DENND1A: variants seen among roughly 807,000 people sequenced by gnomAD.
DENND1A encodes DENN domain containing 1A.
Under a neutral mutation model 113.7 loss-of-function variants are expected in DENND1A, and 51 were observed. The observed-to-expected ratio is 0.45, with a 90% CI of 0.36 to 0.57. DENND1A has a LOEUF of 0.57. DENND1A is among the 20% of genes least tolerant of loss of function. DENND1A has a pLI of 0.00. For missense variants in DENND1A, 1,258 were observed against 1,395.9 expected, an observed-to-expected ratio of 0.90 and a Z score of 1.57; for synonymous variants, 565 against 570.8, an observed-to-expected ratio of 0.99 and a Z score of 0.14.
In DENND1A at chr9:123,780,309, T is replaced by A. The variant is rs528165635; in HGVS notation, c.133-10746A>T. 7.5e-3 allele frequency among the ~76,000 whole-genome samples: 1,143 copies of A among 152,256 alleles called. 9 individuals carry two copies. The highest frequency in any genetic ancestry group is 0.026 in the African/African-American group (1,080 of 41,538). On this transcript the variant is annotated intron_variant, in intron 3 of 23. Coordinates refer to ENST00000394215, the MANE Select transcript of DENND1A (RefSeq NM_001352964.2). Reference sequence around the variant, plus strand: ...TCCTATCATCAAATTGACCATTATCTCTAGAATGAGTTAAGAATGATGGGG... The same window carrying A: ...TCCTATCATCAAATTGACCATTATCACTAGAATGAGTTAAGAATGATGGGG...
Position 123,457,851 on chromosome 9 carries a change from C to G in DENND1A, c.1040G>C (p.Arg347Pro), listed in dbSNP as rs200424404. The G allele has an allele frequency of 5.0e-6, 8 of 1,612,690 alleles. No individual in the cohort carries two copies. The highest frequency in any genetic ancestry group is 6.8e-6 in the Non-Finnish European group (8 of 1,179,418). The change falls in exon 14 of 24, where the codon CGC becomes CCC. Residue 347 changes from arginine to proline, a missense_variant. Physicochemically the swap from Arg to Pro is moderately radical, Grantham distance 103 (BLOSUM62 -2). Coordinates refer to ENST00000394215, the MANE Select transcript of DENND1A (RefSeq NM_001352964.2). The part of the protein sequence containing the change: ...FCEEAFVSHY[R>P]SGAMRQFLQN... The stretch of plus-strand genomic sequence containing the variant: ...CAGGAACTGCCTCATGGCTCCGGAG[C>G]GGTAGTGGGACACGAAGGCTTCCTC...
intron 11 of DENND1A, among the ~76,000 whole-genome samples, chr9:123,599,131 C>T (rs1002296612): frequency 6.6e-6 from 1 of 152,208 alleles, no homozygotes; most frequent in African/African-American, 2.4e-5. Context: ...CAAGCTTTAC[C>T]TGCAAAGGCC....
At chr9:123,820,862 T>G (rs1228306323) in intron 2 of DENND1A, among the ~76,000 whole-genome samples, 4 of 152,240 alleles carry the variant, frequency 2.6e-5, no homozygotes, top group African/African-American at 9.6e-5. Context: ...GCGCAATCAC[T>G]GCTTATCCAT....
chr9:123,480,360 G>A (rs936506905), intron 13 of DENND1A, among the ~76,000 whole-genome samples: 1 of 152,136 alleles, frequency 6.6e-6, no homozygotes. Context: ...TTAGCTTAGC[G>A]TGCCAGCCCC....
chr9:123,706,279 T>C (rs958375382), intron 5 of DENND1A, among the ~76,000 whole-genome samples: 2 of 151,340 alleles, frequency 1.3e-5, no homozygotes, highest in African/African-American at 4.9e-5. Context: ...GCCTTCCAAA[T>C]AGCTGGGATT....
intron 13 of DENND1A, among the ~76,000 whole-genome samples, chr9:123,463,895 C>T (rs891155364): frequency 1.0e-4 from 12 of 118,230 alleles, no homozygotes; most frequent in African/African-American, 2.3e-4. Flanking sequence ...GGAGACAGAG[C>T]GAGACTCCAG....
Position 123,381,687 on chromosome 9 carries a change from G to A in DENND1A, c.2958C>T (p.Pro986=), listed in dbSNP as rs1421857749. 1.3e-6 allele frequency: 2 copies of A among 1,579,734 alleles called. No individual in the cohort carries two copies. Among genetic ancestry groups the A allele is most frequent in the East Asian group, 2.3e-5 (1 of 43,350 alleles). Residue 986 remains proline (P), a synonymous_variant, in exon 24 of 24, where the codon CCC becomes CCT. Coordinates refer to ENST00000394215, the MANE Select transcript of DENND1A (RefSeq NM_001352964.2). This position sits in a 1 kb window ranked among gnomAD's most constrained non-coding sequence, Gnocchi z 4.7. ...CAGCCCTGGCACTTGAGCGGGCCAGGGGCAACGTTCGGATCCTCGACGGGG... is the reference window on the plus strand; with the variant it reads ...CAGCCCTGGCACTTGAGCGGGCCAGAGGCAACGTTCGGATCCTCGACGGGG... The part of the protein sequence containing the change: ...AVAPSRIRTL[P]LARSSARAAE...
intron 3 of DENND1A, among the ~76,000 whole-genome samples, chr9:123,770,675 A>G (rs558596499): frequency 3.3e-5 from 5 of 152,302 alleles, no homozygotes; most frequent in South Asian, 4.1e-4. Flanking sequence ...TCCCAACTTC[A>G]AGACAAAATG....
At chr9:123,727,325 C>T (rs991432997) in intron 5 of DENND1A, among the ~76,000 whole-genome samples, 8 of 152,298 alleles carry the variant, frequency 5.3e-5, no homozygotes, top group Non-Finnish European at 1.0e-4. Flanking sequence ...AATATCCATA[C>T]TTCAAACTAG....
intron 1 of DENND1A, among the ~76,000 whole-genome samples, chr9:123,896,822 A>T (rs969532187): frequency 1.3e-5 from 2 of 152,168 alleles, no homozygotes; most frequent in Non-Finnish European, 2.9e-5. Context: ...TTCAAAAAGA[A>T]AAACAGAAAA....
chr9:123,512,539 C>A (rs73665308), intron 13 of DENND1A, among the ~76,000 whole-genome samples: 1 of 152,188 alleles, frequency 6.6e-6, no homozygotes, highest in African/African-American at 2.4e-5. Flanking sequence ...AGTTCCTTCG[C>A]GGCACTTTTC....
At chr9:123,613,411 C>T (rs1272167543) in intron 10 of DENND1A, among the ~76,000 whole-genome samples, 2 of 151,838 alleles carry the variant, frequency 1.3e-5, no homozygotes, top group Non-Finnish European at 2.9e-5. Flanking sequence ...GAGGCATAAA[C>T]GTCCATGTTT....
At chr9:123,893,966 C>A (rs1204496176) in intron 1 of DENND1A, among the ~76,000 whole-genome samples, 2 of 152,176 alleles carry the variant, frequency 1.3e-5, no homozygotes, top group Admixed American at 6.5e-5. Context: ...CTGGAGGCTT[C>A]TCTCACCCCC....
chr9:123,457,526 G>T lies in DENND1A; in HGVS notation c.1099-91C>A, dbSNP rs962743871. On this transcript the variant is annotated intron_variant, in intron 14 of 23. Coordinates refer to ENST00000394215, the MANE Select transcript of DENND1A (RefSeq NM_001352964.2). ...GGGCACCTTACTGTATCCAAGGTAG[G>T]AGTTTTCAAAAAGTAAGGTTCAACA... The T allele has an allele frequency of 4.6e-6, 5 of 1,095,098 alleles. No homozygotes were observed. The Admixed American group carries it at 6.2e-5, about 14-fold the overall frequency. The allele number at this position is 1,095,098 out of a possible 1,614,324, so 67.8% of individuals were successfully genotyped here. A position where few individuals can be genotyped will look rare whatever the true frequency, so the allele number is the denominator to read the frequency against.
intron 9 of DENND1A, among the ~76,000 whole-genome samples, chr9:123,643,772 G>C (rs548344952): frequency 6.6e-6 from 1 of 152,234 alleles, no homozygotes; most frequent in Non-Finnish European, 1.5e-5. Flanking sequence ...GTGGCTAACA[G>C]ACTGGGTGTG....
intron 18 of DENND1A, among the ~76,000 whole-genome samples, chr9:123,446,788 G>C (rs1259837331): frequency 6.6e-6 from 1 of 152,138 alleles, no homozygotes; most frequent in East Asian, 1.9e-4. Context: ...GGGAGACAGA[G>C]TGAGACCCTG....
intron 5 of DENND1A, among the ~76,000 whole-genome samples, chr9:123,729,256 G>A (rs751200743): frequency 3.9e-5 from 6 of 152,094 alleles, no homozygotes; most frequent in East Asian, 3.8e-4. Context: ...TGGAAGTTCC[G>A]GCCAGGGCAA....
chr9:123,615,728 T>A (rs767275067), intron 10 of DENND1A, among the ~76,000 whole-genome samples: 1 of 152,222 alleles, frequency 6.6e-6, no homozygotes, highest in Non-Finnish European at 1.5e-5. Context: ...AAGCATGTGC[T>A]GATTTGAAGG....
intron 19 of DENND1A, among the ~76,000 whole-genome samples, chr9:123,415,300 C>T (rs944502386): frequency 1.4e-4 from 21 of 152,216 alleles, no homozygotes; most frequent in Non-Finnish European, 2.5e-4. Context: ...CACACAGGGA[C>T]GGGGGCTGCA....
Sources: gnomAD v4.1 joint callset for allele counts (sites outside exome capture counted in the v4.1 genomes callset) on GRCh38, gnomAD v4.1.1 for gene constraint, Gnocchi (gnomAD v3.1) non-coding constraint, MANE v1.5 for transcripts, NCBI Gene and HGNC (gene_info 2026-07-23, HGNC 2026-07-21) for gene names.